Variants in VSTM4 observed in about 807,000 individuals in gnomAD.
The protein encoded by VSTM4 is V-set and transmembrane domain-containing protein 4.
VSTM4 carries 20 observed loss-of-function variants against 36.4 expected under a neutral mutation model. The ratio of observed to expected loss-of-function variants is 0.55; its 90% confidence interval spans 0.39 to 0.80. VSTM4 has a LOEUF of 0.80. Ranked by LOEUF, VSTM4 falls within the 30% of genes least tolerant of loss-of-function variation. The probability of loss-of-function intolerance (pLI) is 0.00; values close to 1 mark genes in which losing one functional copy is unlikely to be tolerated. For synonymous variants in VSTM4, 182 were observed against 173.9 expected, an observed-to-expected ratio of 1.05 and a Z score of -0.37; for missense variants, 392 against 404.5, an observed-to-expected ratio of 0.97 and a Z score of 0.26.
intron 7 of VSTM4, among the ~76,000 whole-genome samples, chr10:49,037,971 G>A (rs1843459264): frequency 1.3e-5 from 2 of 151,836 alleles, no homozygotes; most frequent in Non-Finnish European, 2.9e-5. Context: ...AAGTGTTGGT[G>A]AGGATATGAA....
intron 3 of VSTM4, among the ~76,000 whole-genome samples, 182 bp from the exon 4 acceptor site, chr10:49,077,508 C>A (rs1036276499): frequency 6.6e-6 from 1 of 152,204 alleles, no homozygotes; most frequent in Non-Finnish European, 1.5e-5. Flanking sequence ...CAGAAATAGA[C>A]CCACACAGGC....
rs1339395948 is a variant in VSTM4, at chr10:49,016,664, T to C, written c.*2986A>G. The C allele has an allele frequency of 2.0e-5, 3 of 152,240 alleles. No individual in the cohort carries two copies. The highest frequency in any genetic ancestry group is 4.4e-5 in the Non-Finnish European group (3 of 68,032). 9.4% of individuals were successfully genotyped at this position (152,240 alleles called of 1,614,324 possible). ...AAATATATTTTCTAAATGCCCCATG[T>C]TGTCTTCACTCTCACAAGAGTCAAG... On this transcript the variant is annotated 3_prime_UTR_variant, in exon 8 of 8. Transcript: ENST00000332853.
At chr10:49,045,747 T>C (rs1198783501) in intron 7 of VSTM4, among the ~76,000 whole-genome samples, 1 of 152,180 alleles carries the variant, frequency 6.6e-6, no homozygotes. Context: ...AACCACGTGA[T>C]TGAGATGAGC....
intron 4 of VSTM4, among the ~76,000 whole-genome samples, chr10:49,076,002 C>G (rs566174987): frequency 6.6e-6 from 1 of 152,156 alleles, no homozygotes; most frequent in Non-Finnish European, 1.5e-5. Context: ...CTGCAGCTAA[C>G]GCATGGTGCA....
chr10:49,096,489 C>T (rs1844571170), intron 2 of VSTM4, among the ~76,000 whole-genome samples: 1 of 152,176 alleles, frequency 6.6e-6, no homozygotes, highest in Non-Finnish European at 1.5e-5. Flanking sequence ...TTGCAAATTG[C>T]TTCTATTATT....
intron 7 of VSTM4, among the ~76,000 whole-genome samples, chr10:49,039,366 G>A (rs912961420): frequency 2.0e-5 from 3 of 152,088 alleles, no homozygotes; most frequent in African/African-American, 7.2e-5. Context: ...GAGGCGAGAG[G>A]GAGCCATTTA....
In VSTM4 at chr10:49,077,231, G is replaced by C; in HGVS notation, c.622C>G (p.Arg208Gly). The C allele has an allele frequency of 6.2e-7, 1 of 1,613,948 alleles. No homozygotes were observed. Among genetic ancestry groups the C allele is most frequent in the Admixed American group, 1.7e-5 (1 of 60,024 alleles). ...TCTGTTTTCTTACCTCTGGATTTCC[G>C]CTTGTTAAACACAGACTGCCAGACG... ...VIVWQSVFNK[R>G]KSRVRHYLVK... The change falls in exon 4 of 8, where the codon CGG becomes GGG. Residue 208 changes from arginine (R) to glycine (G), a missense_variant. Physicochemically the swap from Arg to Gly is moderately radical, Grantham distance 125. Transcript: ENST00000332853.
At chr10:49,051,891 GT>G (rs1191999332) in intron 5 of VSTM4, among the ~76,000 whole-genome samples, 1 of 151,854 alleles carries the variant, frequency 6.6e-6, no homozygotes, top group African/African-American at 2.4e-5. Context: ...CATATATAGT[GT>G]TTTTTAAATC....
At chr10:49,109,031 C>G (rs1034376746) in intron 1 of VSTM4, among the ~76,000 whole-genome samples, 7 of 152,210 alleles carry the variant, frequency 4.6e-5, no homozygotes, top group Admixed American at 2.0e-4. Context: ...TGCCTGGAAC[C>G]TCTTTCTGCC....
At chr10:49,035,885 T>C (rs1004633712) in intron 7 of VSTM4, among the ~76,000 whole-genome samples, 5 of 152,130 alleles carry the variant, frequency 3.3e-5, no homozygotes, top group African/African-American at 1.2e-4. Context: ...CTGTGTCACT[T>C]AGCCCACCTT....
At position 49,079,109 on chromosome 10, in the gene VSTM4, G is replaced by A. The variant is rs144792370; in HGVS notation, c.527-1783C>T. Among the ~76,000 whole-genome samples, 1,072 of 152,304 alleles carry A rather than the reference G, an allele frequency of 7.0e-3. 38 individuals are homozygous for A. Among genetic ancestry groups the A allele is most frequent in the Admixed American group, 0.053 (814 of 15,306 alleles). On this transcript the variant is annotated intron_variant, in intron 3 of 7. Coordinates refer to ENST00000332853, the MANE Select transcript of VSTM4 (RefSeq NM_001031746.5). ...CACCTCCCAAAGTGCTGGGATTACA[G>A]GCATGAGCCACTGTGCCTGGCCAGA...
intron 5 of VSTM4, among the ~76,000 whole-genome samples, chr10:49,057,811 G>T (rs1455083348): frequency 2.0e-5 from 3 of 152,204 alleles, no homozygotes; most frequent in Non-Finnish European, 4.4e-5. Context: ...GCACAAGCAT[G>T]CATGTGAGTT....
chr10:49,115,252 G>C (rs1844973321), intron 1 of VSTM4, among the ~76,000 whole-genome samples, 179 bp downstream of exon 1: 1 of 151,716 alleles, frequency 6.6e-6, no homozygotes, highest in Admixed American at 6.5e-5. Context: ...GGGAGGCGCC[G>C]CTGCGCCCGC....
intron 2 of VSTM4, among the ~76,000 whole-genome samples, chr10:49,101,972 C>CGTGT (rs5784789): frequency 6.9e-6 from 1 of 144,314 alleles, no homozygotes; most frequent in South Asian, 2.2e-4. Flanking sequence ...TGTGTGTCTG[C>CGTGT]GTGTGTGTGT....
In VSTM4 at chr10:49,077,352, G is replaced by A. The variant is rs1402779360; in HGVS notation, c.527-26C>T. Reference sequence around the variant, plus strand: ...CTGAAAGGCAAGGACAGACACGTGAGTCAGCCTTCTGGGGGCCGCAGCAGA... The same window carrying A: ...CTGAAAGGCAAGGACAGACACGTGAATCAGCCTTCTGGGGGCCGCAGCAGA... On this transcript the variant is annotated intron_variant, in intron 3 of 7. Transcript: ENST00000332853. 1.9e-6 allele frequency: 3 copies of A among 1,611,234 alleles called. No individual in the cohort carries two copies. The Admixed American group carries it at 5.0e-5, about 27-fold the overall frequency.
chr10:49,085,531 T>C (rs1048578105), intron 3 of VSTM4, among the ~76,000 whole-genome samples: 1 of 152,196 alleles, frequency 6.6e-6, no homozygotes, highest in Non-Finnish European at 1.5e-5. Flanking sequence ...GGAGTAGGAA[T>C]TCTGGAGCAA....
intron 1 of VSTM4, among the ~76,000 whole-genome samples, chr10:49,112,400 C>T (rs1440422684): frequency 6.6e-6 from 1 of 152,190 alleles, no homozygotes; most frequent in Non-Finnish European, 1.5e-5. Context: ...GGTAGAGAGC[C>T]AGGGGCTGGC....
At chr10:49,029,589 C>CA (rs1182386745) in intron 7 of VSTM4, among the ~76,000 whole-genome samples, 1 of 152,202 alleles carries the variant, frequency 6.6e-6, no homozygotes, top group Non-Finnish European at 1.5e-5. Flanking sequence ...TGCTCAGAGG[C>CA]AGAGTCTATG....
intron 5 of VSTM4, among the ~76,000 whole-genome samples, chr10:49,057,005 G>T (rs75823640): frequency 0.03 from 4,496 of 151,986 alleles, 99 homozygotes; most frequent in Non-Finnish European, 0.046. Context: ...CCGGCGAGAG[G>T]GGGGCAAGAG....
Sources: allele counts gnomAD v4.1 joint callset (sites outside exome capture counted in the v4.1 genomes callset), GRCh38; gene constraint gnomAD v4.1.1; transcripts MANE v1.5; gene names NCBI Gene and HGNC (gene_info 2026-07-23, HGNC 2026-07-21).